PAX7: variants seen among roughly 807,000 people sequenced by gnomAD.
PAX7 encodes paired box protein Pax-7.
PAX7 carries 18 observed loss-of-function variants against 50.7 expected under a neutral mutation model. The observed-to-expected ratio is 0.36, with a 90% CI of 0.25 to 0.53. PAX7 has a LOEUF of 0.53. Among genes scored for constraint, PAX7 ranks in the 20% least tolerant of loss-of-function variants. The probability of loss-of-function intolerance (pLI) is 0.93; values close to 1 mark genes in which losing one functional copy is unlikely to be tolerated. For missense variants in PAX7, 644 were observed against 702.9 expected, an observed-to-expected ratio of 0.92 and a Z score of 0.95; for synonymous variants, 310 against 290.4, an observed-to-expected ratio of 1.07 and a Z score of -0.69.
chr1:18,644,761 C>G (rs2088311999), intron 4 of PAX7, among the ~76,000 whole-genome samples: 1 of 152,176 alleles, frequency 6.6e-6, no homozygotes, highest in African/African-American at 2.4e-5. Flanking sequence ...TCCTCCACCC[C>G]ACTTGGTATT....
intron 7 of PAX7, among the ~76,000 whole-genome samples, chr1:18,727,847 T>G (rs1570237064): frequency 2.7e-5 from 4 of 149,012 alleles, no homozygotes; most frequent in East Asian, 2.0e-4. Flanking sequence ...GTGGAGGGGG[T>G]TGGGTGTGGA....
intron 5 of PAX7, among the ~76,000 whole-genome samples, chr1:18,696,877 G>A (rs2089156643): frequency 6.6e-6 from 1 of 152,050 alleles, no homozygotes; most frequent in African/African-American, 2.4e-5. Flanking sequence ...TAAGTTAATT[G>A]TACCTTTAAA....
intron 8 of PAX7, among the ~76,000 whole-genome samples, chr1:18,736,333 C>T (rs1007135364): frequency 2.0e-5 from 3 of 151,838 alleles, no homozygotes; most frequent in Non-Finnish European, 4.4e-5. Flanking sequence ...GGCATGGTGG[C>T]GCACACCTGT....
At chr1:18,722,468 C>T (rs2089506377) in intron 7 of PAX7, among the ~76,000 whole-genome samples, 2 of 152,190 alleles carry the variant, frequency 1.3e-5, no homozygotes, top group African/African-American at 4.8e-5. Context: ...TTGCTAATTT[C>T]GTAGCTGCCT....
At chr1:18,670,907 AG>A (rs1477160032) in intron 4 of PAX7, among the ~76,000 whole-genome samples, 1 of 152,202 alleles carries the variant, frequency 6.6e-6, no homozygotes, top group Non-Finnish European at 1.5e-5. Flanking sequence ...GACACTTAAC[AG>A]GAACCTGATG....
chr1:18,638,112 T>C (rs951933605), intron 4 of PAX7, among the ~76,000 whole-genome samples: 2 of 152,376 alleles, frequency 1.3e-5, no homozygotes, highest in East Asian at 3.9e-4. Flanking sequence ...ACAACTCTTC[T>C]GAGGTTATCC....
rs1266168008 is a variant in PAX7 at position 18,744,950 on chromosome 1, C to G, written c.*21C>G. On this transcript the variant is annotated 3_prime_UTR_variant, in exon 9 of 9. Transcript: ENST00000420770. Reference sequence around the variant, plus strand: ...ACTAGGGCCCCTGGGGCGACTTGCCCCAGCCCAATTCCCAGCCCAACCCTA... The same window carrying G: ...ACTAGGGCCCCTGGGGCGACTTGCCGCAGCCCAATTCCCAGCCCAACCCTA... The G allele has an allele frequency of 2.2e-6, 3 of 1,387,804 alleles. No homozygotes were observed. Among genetic ancestry groups the G allele is most frequent in the East Asian group, 2.5e-5 (1 of 40,096 alleles). 86.0% of individuals were successfully genotyped at this position (1,387,804 alleles called of 1,614,324 possible).
intron 7 of PAX7, among the ~76,000 whole-genome samples, chr1:18,710,105 A>G (rs2089332148): frequency 6.6e-6 from 1 of 152,218 alleles, no homozygotes. Context: ...CACCTACTGG[A>G]CGCCAGATCC....
chr1:18,700,157 G>A lies in PAX7; in HGVS notation c.787-496G>A, dbSNP rs2089199832. 6.6e-6 allele frequency among the ~76,000 whole-genome samples: 1 copy of A among 151,598 alleles called. No homozygotes were observed. Among genetic ancestry groups the A allele is most frequent in the Admixed American group, 6.6e-5 (1 of 15,194 alleles). On this transcript the variant is annotated intron_variant, in intron 5 of 8. Transcript: ENST00000420770. The surrounding 1 kb of genome is among the most constrained non-coding windows in gnomAD (Gnocchi z 4.8). ...AGGCCCAGGGTGTGTAAGCAAAGTA[G>A]GGCCTCAGTCTCCAGAGAAAGAACC...
rs752881066 is a variant in PAX7, at chr1:18,728,554, C to T, written c.1156-7078C>T. Among the ~76,000 whole-genome samples, 25 of 152,108 alleles carry T rather than the reference C, an allele frequency of 1.6e-4. No individual in the cohort carries two copies. In the South Asian group the frequency reaches 2.7e-3, roughly 16 times the overall value. On this transcript the variant is annotated intron_variant, in intron 7 of 8. Transcript: ENST00000420770. Reference sequence around the variant, plus strand: ...AACTTGGCTGCTCATTAGAATCACCCGGGAGCTTTAAAAACTCCTGACCTG... The same window carrying T: ...AACTTGGCTGCTCATTAGAATCACCTGGGAGCTTTAAAAACTCCTGACCTG...
rs564232213 is a variant in PAX7 at position 18,633,996 on chromosome 1, C to T, written c.86-307C>T. On this transcript the variant is annotated intron_variant, in intron 1 of 8. Coordinates refer to ENST00000420770, the MANE Select transcript of PAX7 (RefSeq NM_001135254.2). ...TCATCTCTCTCCCTCCCCTTCTTAGCAGCATTCGAATCCCCCAGGTGTGTC... is the reference window on the plus strand; with the variant it reads ...TCATCTCTCTCCCTCCCCTTCTTAGTAGCATTCGAATCCCCCAGGTGTGTC... 2.0e-5 allele frequency among the ~76,000 whole-genome samples: 3 copies of T among 152,330 alleles called. No individual in the cohort carries two copies. The East Asian group carries it at 5.8e-4, about 29-fold the overall frequency.
At chr1:18,664,118 T>A (rs1464436862) in intron 4 of PAX7, among the ~76,000 whole-genome samples, 2 of 152,240 alleles carry the variant, frequency 1.3e-5, no homozygotes, top group Admixed American at 1.3e-4. Context: ...AAAGAGCTTC[T>A]CCAGCAGACA....
intron 4 of PAX7, among the ~76,000 whole-genome samples, chr1:18,640,076 A>AG (rs1415396204): frequency 1.3e-4 from 19 of 150,922 alleles, no homozygotes; most frequent in African/African-American, 4.6e-4. Context: ...AGGTGGGGGG[A>AG]GGATTGGCGA....
intron 7 of PAX7, among the ~76,000 whole-genome samples, chr1:18,706,403 T>C (rs1003954201): frequency 1.4e-4 from 22 of 151,820 alleles, no homozygotes; most frequent in African/African-American, 4.8e-4. Context: ...ATTGCCCAGA[T>C]AGATGTGGAC....
Position 18,703,080 on chromosome 1 carries a change from G to A in PAX7, c.953-14G>A, listed in dbSNP as rs1180985981. On this transcript the variant is annotated splice_polypyrimidine_tract_variant and intron_variant, in intron 6 of 8. Transcript: ENST00000420770. ...AGGCCACTTGCTTAGGACCTCTCTT[G>A]GGTCTCTCTACAGATGGGGGCAGCA... 1 of 1,611,152 alleles carries A rather than the reference G, an allele frequency of 6.2e-7. No individual in the cohort carries two copies. The highest frequency in any genetic ancestry group is 8.5e-7 in the Non-Finnish European group (1 of 1,178,054).
intron 4 of PAX7, among the ~76,000 whole-genome samples, chr1:18,639,489 G>C (rs948802051): frequency 1.3e-5 from 2 of 151,844 alleles, no homozygotes; most frequent in Admixed American, 1.3e-4. Flanking sequence ...GCTTGCCCCA[G>C]TCAAGCTTGG....
At chr1:18,681,468 A>G (rs2088898588) in intron 4 of PAX7, among the ~76,000 whole-genome samples, 1 of 152,188 alleles carries the variant, frequency 6.6e-6, no homozygotes, top group Admixed American at 6.5e-5. Flanking sequence ...ACGAGAATAC[A>G]GGGCTCTGAA....
In PAX7 at chr1:18,744,943, A is replaced by G. The variant is rs369534319; in HGVS notation, c.*14A>G. 158 of 1,454,126 alleles carry G rather than the reference A, an allele frequency of 1.1e-4. No homozygotes were observed. The African/African-American group carries it at 2.1e-3, about 19-fold the overall frequency. The allele number at this position is 1,454,126 out of a possible 1,614,324, so 90.1% of individuals were successfully genotyped here. A position where few individuals can be genotyped will look rare whatever the true frequency, so the allele number is the denominator to read the frequency against. ...CAGGCCTACTAGGGCCCCTGGGGCG[A>G]CTTGCCCCAGCCCAATTCCCAGCCC... On this transcript the variant is annotated 3_prime_UTR_variant, in exon 9 of 9. Coordinates refer to ENST00000420770, the MANE Select transcript of PAX7 (RefSeq NM_001135254.2).
chr1:18,698,813 A>G (rs1010362445), intron 5 of PAX7, among the ~76,000 whole-genome samples: 20 of 152,120 alleles, frequency 1.3e-4, no homozygotes, highest in African/African-American at 4.6e-4. Flanking sequence ...TGAAACCTCA[A>G]CAGGTGAAAG....
Sources: gnomAD v4.1 joint callset for allele counts (sites outside exome capture counted in the v4.1 genomes callset) on GRCh38, gnomAD v4.1.1 for gene constraint, Gnocchi (gnomAD v3.1) non-coding constraint, MANE v1.5 for transcripts, NCBI Gene and HGNC (gene_info 2026-07-23, HGNC 2026-07-21) for gene names.